The following EIF4EBP1 variants were observed in gnomAD, a reference collection of about 807,000 sequenced individuals.
EIF4EBP1 encodes the protein eukaryotic translation initiation factor 4E binding protein 1, also known as eukaryotic translation initiation factor 4E-binding protein 1.
EIF4EBP1 carries 5 observed loss-of-function variants against 9.2 expected under a neutral mutation model. The observed-to-expected ratio is 0.54, with a 90% CI of 0.28 to 1.14. EIF4EBP1 has a LOEUF of 1.14. EIF4EBP1 is among the 50% of genes most tolerant of loss of function. The pLI is 0.09. For synonymous variants in EIF4EBP1, 62 were observed against 67.0 expected (o/e 0.93, Z 0.36); for missense variants, 139 against 169.6 (o/e 0.82, Z 1.00).
At chr8:38,053,875 A>T (rs1393948108) in intron 1 of EIF4EBP1, among the ~76,000 whole-genome samples, 1 of 152,136 alleles carries the variant, frequency 6.6e-6, no homozygotes, top group Admixed American at 6.5e-5. Context: ...AGAAAGTAGA[A>T]CCCTGCTTGC....
At chr8:38,041,213 T>C (rs1809374519) in intron 1 of EIF4EBP1, among the ~76,000 whole-genome samples, 2 of 152,164 alleles carry the variant, frequency 1.3e-5, no homozygotes, top group Admixed American at 1.3e-4. Flanking sequence ...GTGATTCTTT[T>C]GCCTCAGCCT....
chr8:38,057,069 G>A lies in EIF4EBP1; in HGVS notation c.146-12G>A. On this transcript the variant is annotated splice_polypyrimidine_tract_variant and intron_variant, in intron 1 of 2. Coordinates refer to ENST00000338825, the MANE Select transcript of EIF4EBP1 (RefSeq NM_004095.4). ...TGCAGATGGCTTGACCAACCTCCCT[G>A]TTCCCTTCTAGGTACCAGGATCATC... 1 of 1,570,180 alleles carries A rather than the reference G, an allele frequency of 6.4e-7. No individual in the cohort carries two copies. Among genetic ancestry groups the A allele is most frequent in the Admixed American group, 1.8e-5 (1 of 55,476 alleles).
Position 38,059,999 on chromosome 8 carries a change from A to G in EIF4EBP1, c.*64A>G. On this transcript the variant is annotated 3_prime_UTR_variant, in exon 3 of 3. Coordinates refer to ENST00000338825, the MANE Select transcript of EIF4EBP1 (RefSeq NM_004095.4). ...TCAGGGCCTTCCTGGGAGGAGTCCC[A>G]CCAGCCAGGCCTTATGAAAGTGATC... The G allele has an allele frequency of 9.3e-6, 14 of 1,502,188 alleles. No homozygotes were observed. Among genetic ancestry groups the G allele is most frequent in the Non-Finnish European group, 1.3e-5 (14 of 1,078,068 alleles). 93.1% of individuals were successfully genotyped at this position (1,502,188 alleles called of 1,614,324 possible). A position where few individuals can be genotyped will look rare whatever the true frequency, so the allele number is the denominator to read the frequency against.
intron 1 of EIF4EBP1, among the ~76,000 whole-genome samples, chr8:38,034,025 C>T (rs745413404): frequency 1.3e-5 from 2 of 152,008 alleles, no homozygotes; most frequent in Non-Finnish European, 2.9e-5. Flanking sequence ...GGATTACAGG[C>T]GTGAGCCACT....
intron 1 of EIF4EBP1, among the ~76,000 whole-genome samples, chr8:38,039,405 T>C (rs1809347495): frequency 7.1e-6 from 1 of 140,648 alleles, no homozygotes; most frequent in South Asian, 2.3e-4. Context: ...CTAAATACTT[T>C]TTTTTTTTTT....
intron 1 of EIF4EBP1, among the ~76,000 whole-genome samples, chr8:38,050,606 T>TTTTC (rs997306712): frequency 2.0e-5 from 3 of 152,158 alleles, no homozygotes; most frequent in African/African-American, 7.2e-5. Context: ...TGCCTCGGTC[T>TTTTC]TTTCTTTCTT....
Position 38,034,439 on chromosome 8 carries a change from C to T in EIF4EBP1, c.145+3721C>T, listed in dbSNP as rs117589844. Among the ~76,000 whole-genome samples the T allele has an allele frequency of 5.1e-3, 771 of 152,182 alleles. 7 individuals are homozygous for T. Among genetic ancestry groups the T allele is most frequent in the Middle Eastern group, 0.017 (5 of 294 alleles). On this transcript the variant is annotated intron_variant, in intron 1 of 2. Transcript: ENST00000338825. ...AGAGTACTTAAGATAATTTAATTGC[C>T]GAAGGGAGTGTCATGTATGAATATT...
At position 38,059,917 on chromosome 8, in the gene EIF4EBP1, G is replaced by T. The variant is rs1464715642; in HGVS notation, c.339G>T (p.Gln113His). The change falls in exon 3 of 3, where the codon CAG becomes CAT. Residue 113 changes from glutamine to histidine, a missense_variant. By Grantham distance (24) the Gln-to-His change is conservative. Transcript: ENST00000338825. ...EDKRAGGEES[Q>H]FEMDI ...CTCTCTCCCCAGGTGAAGAGTCACA[G>T]TTTGAGATGGACATTTAAAGCACCA... is the stretch of plus-strand genomic sequence containing the variant. The T allele has an allele frequency of 7.0e-7, 1 of 1,429,044 alleles. No individual in the cohort carries two copies. Among genetic ancestry groups the T allele is most frequent in the African/African-American group, 2.2e-5 (1 of 46,190 alleles). 88.5% of individuals were successfully genotyped at this position (1,429,044 alleles called of 1,614,324 possible).
At chr8:38,052,292 G>A (rs1027745186) in intron 1 of EIF4EBP1, among the ~76,000 whole-genome samples, 43 of 151,054 alleles carry the variant, frequency 2.8e-4, no homozygotes, top group African/African-American at 9.0e-4. Context: ...ACAGGGTCTC[G>A]CTCTGTCTCC....
At chr8:38,044,205 C>T (rs971898559) in intron 1 of EIF4EBP1, among the ~76,000 whole-genome samples, 1 of 152,078 alleles carries the variant, frequency 6.6e-6, no homozygotes, top group East Asian at 1.9e-4. Flanking sequence ...CTCACGTCCC[C>T]ACATCCAATG....
intron 1 of EIF4EBP1, among the ~76,000 whole-genome samples, chr8:38,050,330 C>A (rs1467963592): frequency 6.6e-6 from 1 of 152,070 alleles, no homozygotes; most frequent in African/African-American, 2.4e-5. Context: ...GAACATTTGA[C>A]TGGTTGGTTT....
intron 1 of EIF4EBP1, among the ~76,000 whole-genome samples, chr8:38,046,862 G>A (rs560128079): frequency 6.6e-6 from 1 of 152,262 alleles, no homozygotes; most frequent in African/African-American, 2.4e-5. Flanking sequence ...GTTCAAGACC[G>A]AACCTTGAAC....
intron 1 of EIF4EBP1, 118 bp downstream of exon 1, chr8:38,030,836 G>A (rs368444252): frequency 2.3e-5 from 31 of 1,334,044 alleles, no homozygotes; most frequent in East Asian, 1.2e-4. Flanking sequence ...GAACGGAAAA[G>A]GGGCATCGGA....
chr8:38,058,357 C>A (rs749788613), intron 2 of EIF4EBP1, among the ~76,000 whole-genome samples: 1 of 152,148 alleles, frequency 6.6e-6, no homozygotes. Context: ...TGAGAGAGAA[C>A]CAAGCTGCCT....
chr8:38,049,393 G>A (rs1322138981), intron 1 of EIF4EBP1, among the ~76,000 whole-genome samples: 7 of 151,584 alleles, frequency 4.6e-5, no homozygotes, highest in Non-Finnish European at 7.4e-5. Context: ...GATGTTAACT[G>A]AGTGTTTTGA....
intron 1 of EIF4EBP1, among the ~76,000 whole-genome samples, chr8:38,044,865 A>G (rs1201299524): frequency 2.0e-5 from 3 of 151,914 alleles, no homozygotes; most frequent in African/African-American, 7.3e-5. Context: ...CTGCGTGGGG[A>G]GTTGTAAGGG....
intron 1 of EIF4EBP1, among the ~76,000 whole-genome samples, chr8:38,056,565 T>G (rs1238421274): frequency 6.6e-6 from 1 of 151,942 alleles, no homozygotes; most frequent in Non-Finnish European, 1.5e-5. Context: ...GCAGACCCCT[T>G]CCATTGGATC....
chr8:38,050,059 C>T (rs1809499129), intron 1 of EIF4EBP1, among the ~76,000 whole-genome samples: 1 of 151,812 alleles, frequency 6.6e-6, no homozygotes, highest in African/African-American at 2.4e-5. Flanking sequence ...TACAGGTGTG[C>T]ACCACCACAC....
chr8:38,031,622 A>C (rs938747563), intron 1 of EIF4EBP1, among the ~76,000 whole-genome samples: 2 of 151,962 alleles, frequency 1.3e-5, no homozygotes, highest in African/African-American at 4.8e-5. Flanking sequence ...TGCTTTCCAT[A>C]CTACTAGAAA....
Sources: allele counts gnomAD v4.1 joint callset (sites outside exome capture counted in the v4.1 genomes callset), GRCh38; gene constraint gnomAD v4.1.1; transcripts MANE v1.5; gene names NCBI Gene and HGNC (gene_info 2026-07-23, HGNC 2026-07-21).